PRKDC: variants seen among roughly 807,000 people sequenced by gnomAD.
The protein encoded by PRKDC is DNA-dependent protein kinase catalytic subunit.
Under a neutral mutation model 486.9 loss-of-function variants are expected in PRKDC, and 82 were observed. The ratio of observed to expected loss-of-function variants is 0.17; its 90% confidence interval spans 0.14 to 0.20. The LOEUF is 0.20. Among genes scored for constraint, PRKDC ranks in the 10% least tolerant of loss-of-function variants. The probability of loss-of-function intolerance (pLI) is 1.00; values close to 1 mark genes in which losing one functional copy is unlikely to be tolerated. For missense variants in PRKDC, 4,504 were observed against 5,038.2 expected (o/e 0.89, Z 3.21); for synonymous variants, 1,895 against 1,837.0 (o/e 1.03, Z -0.81).
chr8:47,812,750 A>G (rs1293704178), intron 68 of PRKDC, among the ~76,000 whole-genome samples: 7 of 152,092 alleles, frequency 4.6e-5, no homozygotes, highest in African/African-American at 7.2e-5. Context: ...CTAGAAATCA[A>G]TTAAATAGAA....
chr8:47,952,510 C>T (rs1267009499), intron 7 of PRKDC, among the ~76,000 whole-genome samples: 1 of 152,130 alleles, frequency 6.6e-6, no homozygotes, highest in Non-Finnish European at 1.5e-5. Flanking sequence ...GACCCTTGTG[C>T]TAATCAATCT....
rs1443774482 is a variant in PRKDC at position 47,904,798 on chromosome 8, T to C, written c.3042+71A>G. ...ACGGAGCAAGACTGTCTCAAAAACA[T>C]AAATAAATAAACAAACATCAAATAC... On this transcript the variant is annotated intron_variant, in intron 26 of 85. Coordinates refer to ENST00000314191, the MANE Select transcript of PRKDC (RefSeq NM_006904.7). 7 of 1,256,040 alleles carry C rather than the reference T, an allele frequency of 5.6e-6. No homozygotes were observed. The South Asian group carries it at 6.7e-5, about 12-fold the overall frequency. The allele number at this position is 1,256,040 out of a possible 1,614,324, so 77.8% of individuals were successfully genotyped here.
chr8:47,780,867 A>G (rs368321601), intron 80 of PRKDC, among the ~76,000 whole-genome samples: 3 of 152,058 alleles, frequency 2.0e-5, no homozygotes, highest in East Asian at 3.9e-4. Flanking sequence ...GAACCCGGGA[A>G]GCGGAGACCA....
intron 60 of PRKDC, 107 bp from the exon 61 acceptor site, chr8:47,830,843 G>A: frequency 7.2e-7 from 1 of 1,388,578 alleles, no homozygotes; most frequent in South Asian, 1.2e-5. Context: ...AGGGCGAAGT[G>A]GTGGGAACTG....
chr8:47,783,863 T>C, intron 77 of PRKDC, 54 bp from the exon 78 acceptor site: 3 of 1,514,308 alleles, frequency 2.0e-6, no homozygotes, highest in African/African-American at 1.4e-5. Context: ...ACCGCCTGTA[T>C]TTTAAAACAT....
chr8:47,910,920 A>G, intron 25 of PRKDC, among the ~76,000 whole-genome samples: 1 of 152,332 alleles, frequency 6.6e-6, no homozygotes, highest in South Asian at 2.1e-4. Flanking sequence ...ATATGAGAAT[A>G]ATATATGAAA....
At chr8:47,857,385 A>C in intron 48 of PRKDC, 86 bp from the exon 49 acceptor site, 1 of 1,412,436 alleles carries the variant, frequency 7.1e-7, no homozygotes, top group Non-Finnish European at 9.5e-7. Context: ...CCATCAGCTA[A>C]AATTTTATAC....
intron 16 of PRKDC, among the ~76,000 whole-genome samples, chr8:47,931,342 G>T (rs2090248289): frequency 1.3e-5 from 2 of 152,088 alleles, no homozygotes; most frequent in Admixed American, 6.6e-5. Flanking sequence ...ATATATCTGG[G>T]AAGTGCTAAC....
intron 21 of PRKDC, among the ~76,000 whole-genome samples, chr8:47,926,471 C>T (rs1365446287): frequency 6.6e-6 from 1 of 151,690 alleles, no homozygotes; most frequent in Non-Finnish European, 1.5e-5. Flanking sequence ...TTTTTTTGGC[C>T]TCATGAAGAA....
chr8:47,941,333 G>C (rs1420530777), intron 10 of PRKDC, among the ~76,000 whole-genome samples: 1 of 150,792 alleles, frequency 6.6e-6, no homozygotes, highest in Non-Finnish European at 1.5e-5. Flanking sequence ...CTTGCCTGGG[G>C]CCTCAGGTCA....
intron 61 of PRKDC, among the ~76,000 whole-genome samples, chr8:47,828,611 C>A (rs941655902): frequency 6.6e-6 from 1 of 152,186 alleles, no homozygotes; most frequent in Non-Finnish European, 1.5e-5. Flanking sequence ...TACATAATGA[C>A]ATAGCTTCTC....
chr8:47,789,120 T>C, intron 75 of PRKDC, 31 bp downstream of exon 75: 1 of 1,612,746 alleles, frequency 6.2e-7, no homozygotes, highest in South Asian at 1.1e-5. Context: ...AACTTATATG[T>C]TTTATGTGCC....
chr8:47,941,988 C>T (rs1246503834), intron 10 of PRKDC, among the ~76,000 whole-genome samples: 1 of 152,232 alleles, frequency 6.6e-6, no homozygotes, highest in Non-Finnish European at 1.5e-5. Context: ...GGCTGGCCGG[C>T]TTCCCTGCAG....
rs1199388522 is a variant in PRKDC at position 47,788,930 on chromosome 8, C to T, written c.10878G>A (p.Gly3626=). The T allele has an allele frequency of 1.9e-6, 3 of 1,605,052 alleles. No individual in the cohort carries two copies. The highest frequency in any genetic ancestry group is 2.5e-6 in the Non-Finnish European group (3 of 1,177,204). ...CCTGAATAAACTTCCTTCTAAAGGC[C>T]CCCAGGCCTGGAGCCTTTGGGTCAC... The part of the protein sequence containing the change: ...ALGDPKAPGL[G]AFRRKFIQTF... The change falls in exon 76 of 86, where the codon GGG becomes GGA. Residue 3626 remains glycine, a synonymous_variant. Coordinates refer to ENST00000314191, the MANE Select transcript of PRKDC (RefSeq NM_006904.7).
intron 52 of PRKDC, among the ~76,000 whole-genome samples, chr8:47,851,085 T>C (rs1185353512): frequency 6.6e-6 from 1 of 152,240 alleles, no homozygotes; most frequent in African/African-American, 2.4e-5. Flanking sequence ...GCCGGGATTA[T>C]AGGCATGAGC....
intron 59 of PRKDC, among the ~76,000 whole-genome samples, chr8:47,833,722 AC>A (rs1251647276): frequency 6.6e-6 from 1 of 152,094 alleles, no homozygotes; most frequent in Non-Finnish European, 1.5e-5. Flanking sequence ...CTTCACCTGG[AC>A]TGCAGAATCG....
At chr8:47,838,294 T>C (rs1300346727) in intron 56 of PRKDC, among the ~76,000 whole-genome samples, 1 of 152,128 alleles carries the variant, frequency 6.6e-6, no homozygotes, top group Non-Finnish European at 1.5e-5. Flanking sequence ...AAATAAGTAA[T>C]ATACAGAAAC....
intron 21 of PRKDC, among the ~76,000 whole-genome samples, chr8:47,918,962 T>C (rs1179738512): frequency 2.1e-5 from 3 of 144,890 alleles, no homozygotes; most frequent in African/African-American, 5.1e-5. Flanking sequence ...AATAAATTCC[T>C]TTTTTTTTTT....
At position 47,936,521 on chromosome 8, in the gene PRKDC, T is replaced by C. The variant is rs758255866; in HGVS notation, c.1114-4A>G. 2 of 1,613,792 alleles carry C rather than the reference T, an allele frequency of 1.2e-6. No homozygotes were observed. Among genetic ancestry groups the C allele is most frequent in the Non-Finnish European group, 1.7e-6 (2 of 1,179,752 alleles). Reference sequence around the variant, plus strand: ...TTGCGTTTATAACCTTGCACGGCTTTAGAAAAGGTAAAACAGAAGTCTTCA... The same window carrying C: ...TTGCGTTTATAACCTTGCACGGCTTCAGAAAAGGTAAAACAGAAGTCTTCA... On this transcript the variant is annotated splice_polypyrimidine_tract_variant and splice_region_variant and intron_variant, in intron 11 of 85. Coordinates refer to ENST00000314191, the MANE Select transcript of PRKDC (RefSeq NM_006904.7).
Sources: gnomAD v4.1 joint callset for allele counts (sites outside exome capture counted in the v4.1 genomes callset) on GRCh38, gnomAD v4.1.1 for gene constraint, MANE v1.5 for transcripts, NCBI Gene and HGNC (gene_info 2026-07-23, HGNC 2026-07-21) for gene names.